The following MED12 variants were observed in gnomAD, a reference collection of about 807,000 sequenced individuals.
MED12 encodes the protein mediator complex subunit 12.
A neutral mutation model predicts 177.7 loss-of-function variants in MED12; 10 were observed. That is an observed-to-expected ratio of 0.06 (90% CI 0.03 to 0.10). MED12 has a LOEUF of 0.10. Ranked by LOEUF, MED12 falls within the 10% of genes least tolerant of loss-of-function variation. The pLI, the probability that MED12 is intolerant of heterozygous loss-of-function variation, is 1.00. For missense variants in MED12, 867 were observed against 1,780.8 expected (o/e 0.49, Z 9.23); for synonymous variants, 641 against 678.4 (o/e 0.94, Z 0.86).
rs1328719742 is a variant in MED12, at chrX:71,140,678, A to G, written c.6088A>G (p.Met2030Val). 1 of 1,207,965 alleles carries G rather than the reference A, an allele frequency of 8.3e-7. No individual in the cohort carries two copies. Residue 2030 changes from methionine to valine, a missense_variant, in exon 42 of 45, where the codon ATG (methionine) becomes GTG (valine). Met to Val is a conservative substitution (Grantham distance 21). Coordinates refer to ENST00000374080, the MANE Select transcript of MED12 (RefSeq NM_005120.3). The stretch of plus-strand genomic sequence containing the variant: ...GCAGCAGACACCCATGATAAGTACC[A>G]TGACTCCAATGAGTGCCCAGGGCGT... ...TLQQTPMISTMTPMSAQGVQA... is the reference protein window; with the variant it reads ...TLQQTPMISTVTPMSAQGVQA...
chrX:71,121,887 A>G, intron 7 of MED12, 71 bp downstream of exon 7: 1 of 1,186,147 alleles, frequency 8.4e-7, no homozygotes, highest in Non-Finnish European at 1.1e-6. Context: ...ATCCCAGAGA[A>G]TAGGGGTAAT....
At position 71,140,773 on chromosome X, in the gene MED12, ACAG is replaced by A. The variant is rs754533796; in HGVS notation, c.6198_6200del (p.Gln2076del). ...AGCAGCAGCAACAGCAGCAACAGCA[ACAG>A]CAGCAGCAGCAGCAACAGCAACAGC... On this transcript the variant is annotated inframe_deletion, in exon 42 of 45. Transcript: ENST00000374080. The A allele has an allele frequency of 1.1e-5, 13 of 1,204,380 alleles. No individual in the cohort carries two copies. The highest frequency in any genetic ancestry group is 3.0e-5 in the East Asian group (1 of 33,675).
intron 36 of MED12, among the ~76,000 whole-genome samples, chrX:71,135,508 CCCT>C (rs2092329869): frequency 1.8e-5 from 2 of 111,012 alleles, no homozygotes; most frequent in African/African-American, 3.3e-5. Context: ...CAATACCCTA[CCCT>C]CCTCTTTCCT....
At chrX:71,121,953 T>C in intron 7 of MED12, 137 bp downstream of exon 7, 1 of 998,495 alleles carries the variant, frequency 1.0e-6, no homozygotes. Context: ...TGTTGTTTCT[T>C]GGTAATGGGG....
chrX:71,125,458 C>T lies in MED12; in HGVS notation c.2334C>T (p.Ile778=), dbSNP rs1206710937. The T allele has an allele frequency of 1.7e-6, 2 of 1,208,225 alleles. No homozygotes were observed. Among genetic ancestry groups the T allele is most frequent in the Non-Finnish European group, 2.2e-6 (2 of 894,656 alleles). The change falls in exon 16 of 45, where the codon ATC becomes ATT. Residue 778 remains isoleucine, a synonymous_variant. Transcript: ENST00000374080. ...RHAIKKITKD[I]LKVLNRKGTA... ...CCATCAAGAAAATCACCAAGGATAT[C>T]TTGAAGGTTCTGAACCGCAAAGGGA... is the stretch of plus-strand genomic sequence containing the variant.
chrX:71,120,203 A>T, intron 4 of MED12, 33 bp downstream of exon 4: 1 of 1,191,877 alleles, frequency 8.4e-7, no homozygotes, highest in Non-Finnish European at 1.1e-6. Flanking sequence ...TGTACTGCTG[A>T]TGGCTTCAAG....
chrX:71,140,496 C>G, intron 41 of MED12, 139 bp from the exon 42 acceptor site: 1 of 1,075,959 alleles, frequency 9.3e-7, no homozygotes, highest in South Asian at 2.0e-5. Flanking sequence ...ATTCCCCAGA[C>G]TGGAAGTCTG....
intron 3 of MED12, 49 bp downstream of exon 3, chrX:71,119,926 C>A: frequency 8.3e-7 from 1 of 1,205,607 alleles, no homozygotes. Flanking sequence ...GCATGGGGTA[C>A]CAAGTACCCT....
At position 71,129,307 on chromosome X, in the gene MED12, C is replaced by T; in HGVS notation, c.3578-9C>T. 8.4e-7 allele frequency: 1 copy of T among 1,193,967 alleles called. No homozygotes were observed. Among genetic ancestry groups the T allele is most frequent in the Non-Finnish European group, 1.1e-6 (1 of 879,234 alleles). On this transcript the variant is annotated splice_polypyrimidine_tract_variant and intron_variant, in intron 25 of 44. Transcript: ENST00000374080. ...CTTTTGCTTCCCCTGACTTCATCGC[C>T]TTCCCCAGACAAGCCTACAGTAGGA...
chrX:71,134,956 T>G (rs1346625529), intron 35 of MED12, 108 bp downstream of exon 35: 3 of 1,159,376 alleles, frequency 2.6e-6, no homozygotes, highest in Non-Finnish European at 3.5e-6. Flanking sequence ...CACGTCTGCC[T>G]TTTCTTTGTT....
At chrX:71,122,915 A>G in intron 10 of MED12, 41 bp downstream of exon 10, 1 of 1,198,050 alleles carries the variant, frequency 8.3e-7, no homozygotes, top group Non-Finnish European at 1.1e-6. Context: ...AAACATTGCA[A>G]GAGCAATAAT....
chrX:71,127,604 C>G, intron 21 of MED12, 137 bp downstream of exon 21: 1 of 575,263 alleles, frequency 1.7e-6, no homozygotes, highest in Non-Finnish European at 2.9e-6. Flanking sequence ...CCTCCACATA[C>G]TGTTGTGTTA....
In MED12 at chrX:71,141,235, GCAGCAA is replaced by G. The variant is rs761195801; in HGVS notation, c.6285_6290del (p.Gln2114_Gln2115del). ...TATCTTTTGTGTTCTTATAGCAGCA[GCAGCAA>G]CAGCAACAGCAGCAGCAGCAGCAGC... On this transcript the variant is annotated inframe_deletion, in exon 43 of 45. Transcript: ENST00000374080. 8.6e-7 allele frequency: 1 copy of G among 1,164,633 alleles called. No homozygotes were observed. The highest frequency in any genetic ancestry group is 3.3e-5 in the East Asian group (1 of 30,675).
chrX:71,134,835 C>T lies in MED12; in HGVS notation c.4850C>T (p.Ala1617Val), dbSNP rs753061449. 1 of 1,209,047 alleles carries T rather than the reference C, an allele frequency of 8.3e-7. No individual in the cohort carries two copies. Among genetic ancestry groups the T allele is most frequent in the Non-Finnish European group, 1.1e-6 (1 of 895,080 alleles). The change falls in exon 35 of 45, where the codon GCG becomes GTG. Residue 1617 changes from alanine (A) to valine (V), a missense_variant. Ala to Val is a moderately conservative substitution (Grantham distance 64). Coordinates refer to ENST00000374080, the MANE Select transcript of MED12 (RefSeq NM_005120.3). The part of the protein sequence containing the change: ...EENKRAYMNL[A>V]KKLQKELGER... The stretch of plus-strand genomic sequence containing the variant: ...AACAAGCGTGCATACATGAACCTGG[C>T]GAAGAAGTTGCAGGTAAGCAGAGGA...
intron 44 of MED12, 21 bp from the exon 45 acceptor site, chrX:71,142,154 A>C (rs1225994868): frequency 1.7e-6 from 2 of 1,206,268 alleles, no homozygotes; most frequent in African/African-American, 3.5e-5. Context: ...TCCATCCCTG[A>C]TAATCTCTGG....
At position 71,122,753 on chromosome X, in the gene MED12, G is replaced by A. The variant is rs760696164; in HGVS notation, c.1364G>A (p.Arg455Gln). 2.3e-5 allele frequency: 28 copies of A among 1,209,977 alleles called. No homozygotes were observed. The highest frequency in any genetic ancestry group is 2.3e-4 in the Middle Eastern group (1 of 4,356). The change falls in exon 10 of 45, where the codon CGG becomes CAG. Residue 455 changes from arginine to glutamine, a missense_variant. By Grantham distance (43) the Arg-to-Gln change is conservative (BLOSUM62 1). This residue lies in a region of MED12 where 309 missense variants were observed against 556.3 expected (regional missense o/e 0.56). Transcript: ENST00000374080. Reference protein sequence around the residue: ...QEATAGFTIGRVLHTLEVLDS... With the variant: ...QEATAGFTIGQVLHTLEVLDS... ...TCCTCCTTAGGCTTCACCATTGGAC[G>A]GGTACTTCATACTTTGGAAGTGCTG...
chrX:71,127,504 C>T, intron 21 of MED12, 37 bp downstream of exon 21: 1 of 1,170,248 alleles, frequency 8.5e-7, no homozygotes, highest in African/African-American at 1.8e-5. Flanking sequence ...GCGAGTGGGA[C>T]CTACTCCCTT....
intron 21 of MED12, 76 bp downstream of exon 21, chrX:71,127,543 G>C (rs1336902088): frequency 1.0e-6 from 1 of 969,991 alleles, no homozygotes; most frequent in Non-Finnish European, 1.5e-6. Flanking sequence ...CTCAGGAGGA[G>C]AGGATGGCCC....
intron 19 of MED12, 133 bp from the exon 20 acceptor site, chrX:71,126,836 G>A (rs2092304630): frequency 3.2e-6 from 2 of 624,775 alleles, no homozygotes; most frequent in South Asian, 2.3e-5. Context: ...ATAGGGTAAC[G>A]AGCCCTTCTA....
Sources: allele counts gnomAD v4.1 joint callset (sites outside exome capture counted in the v4.1 genomes callset), GRCh38; gene constraint gnomAD v4.1.1; regional missense constraint gnomAD v4.1.1; transcripts MANE v1.5; gene names NCBI Gene and HGNC (gene_info 2026-07-23, HGNC 2026-07-21).